GTF3C3: variants seen among roughly 807,000 people sequenced by gnomAD.
GTF3C3 encodes the protein general transcription factor 3C polypeptide 3.
GTF3C3 carries 75 observed loss-of-function variants against 105.2 expected under a neutral mutation model. The ratio of observed to expected loss-of-function variants is 0.71; its 90% CI spans 0.59 to 0.86. The LOEUF (loss-of-function observed/expected upper bound fraction) is 0.86. Ranked by LOEUF, GTF3C3 falls within the 40% of genes least tolerant of loss-of-function variation. The pLI is 0.00. For synonymous variants in GTF3C3, 335 were observed against 370.4 expected (o/e 0.90, Z 1.10); for missense variants, 856 against 1,076.5 (o/e 0.80, Z 2.87).
intron 6 of GTF3C3, among the ~76,000 whole-genome samples, chr2:196,788,686 C>T (rs1319569369): frequency 6.6e-6 from 1 of 152,146 alleles, no homozygotes; most frequent in Non-Finnish European, 1.5e-5. Flanking sequence ...CCTCTGAGCA[C>T]TTGAAATGTA....
intron 13 of GTF3C3, 174 bp downstream of exon 13, chr2:196,774,942 T>G (rs1699237308): frequency 2.2e-6 from 1 of 456,696 alleles, no homozygotes; most frequent in African/African-American, 2.0e-5. Context: ...GTATTTACAT[T>G]TAGCCTTTCC....
chr2:196,776,977 A>G lies in GTF3C3; in HGVS notation c.1391-348T>C, dbSNP rs1319857441. ...TAGGTTGCTTTCAAATTTTTACTCT[A>G]ATAAATAATACTGCAGTAAACATCT... On this transcript the variant is annotated intron_variant, in intron 10 of 17. Transcript: ENST00000263956. The surrounding 1 kb of genome is among the most constrained non-coding windows in gnomAD (Gnocchi z 4.5). Among the ~76,000 whole-genome samples the G allele has an allele frequency of 6.6e-6, 1 of 152,214 alleles. No individual in the cohort carries two copies. The highest frequency in any genetic ancestry group is 2.4e-5 in the African/African-American group (1 of 41,464).
At chr2:196,795,529 GAGGAACAAAAGAACAA>G (rs72000071) in intron 2 of GTF3C3, among the ~76,000 whole-genome samples, 16,008 of 152,182 alleles carry the variant, frequency 0.11, 1,047 homozygotes, top group African/African-American at 0.19. Flanking sequence ...AAATTTATCA[GAGGAACAAAAGAACAA>G]AGGAACAAAA....
At chr2:196,765,741 T>G (rs1699051692) in intron 17 of GTF3C3, among the ~76,000 whole-genome samples, 2 of 152,054 alleles carry the variant, frequency 1.3e-5, no homozygotes, top group East Asian at 1.9e-4. Context: ...CCGGGCGCAG[T>G]GGCTCACGCC....
Position 196,780,544 on chromosome 2 carries a change from G to T in GTF3C3, c.1218+15C>A. 6.2e-7 allele frequency: 1 copy of T among 1,609,358 alleles called. No homozygotes were observed. The highest frequency in any genetic ancestry group is 8.5e-7 in the Non-Finnish European group (1 of 1,176,646). On this transcript the variant is annotated intron_variant, in intron 9 of 17. Coordinates refer to ENST00000263956, the MANE Select transcript of GTF3C3 (RefSeq NM_012086.5). Reference sequence around the variant, plus strand: ...TTTGATCTGAAGTATCTCAAGTGCAGATCTTGTTACATACATTAAGTGGTT... The same window carrying T: ...TTTGATCTGAAGTATCTCAAGTGCATATCTTGTTACATACATTAAGTGGTT...
chr2:196,772,865 T>A (rs759723861), intron 14 of GTF3C3, 51 bp downstream of exon 14: 1 of 916,238 alleles, frequency 1.1e-6, no homozygotes, highest in Non-Finnish European at 1.7e-6. Flanking sequence ...TCAAAGTACA[T>A]GTACTTACTC....
intron 8 of GTF3C3, among the ~76,000 whole-genome samples, chr2:196,781,357 A>AAAATATATATAT: frequency 5.8e-4 from 11 of 18,816 alleles, no homozygotes; most frequent in Admixed American, 2.0e-3. Context: ...AAAAAAAAAA[A>AAAATATATATAT]ATATATATAT....
At chr2:196,765,786 G>A (rs375977490) in intron 17 of GTF3C3, among the ~76,000 whole-genome samples, 71 of 151,698 alleles carry the variant, frequency 4.7e-4, no homozygotes, top group Admixed American at 1.2e-3. Flanking sequence ...TGAGGCGGGC[G>A]GATCACAAGG....
At chr2:196,768,550 T>C (rs1424210177) in intron 16 of GTF3C3, among the ~76,000 whole-genome samples, 1 of 152,096 alleles carries the variant, frequency 6.6e-6, no homozygotes, top group Non-Finnish European at 1.5e-5. Context: ...TAGAAAACTA[T>C]AGTCTTGTAG....
At chr2:196,795,319 T>G (rs1261516863) in intron 2 of GTF3C3, among the ~76,000 whole-genome samples, 1 of 152,260 alleles carries the variant, frequency 6.6e-6, no homozygotes, top group Admixed American at 6.5e-5. Flanking sequence ...ATTAGAAGCT[T>G]GAACAACTGC....
chr2:196,772,502 T>C (rs905596173), intron 14 of GTF3C3, among the ~76,000 whole-genome samples: 2 of 152,150 alleles, frequency 1.3e-5, no homozygotes, highest in Non-Finnish European at 2.9e-5. Flanking sequence ...GAGCCGAGAC[T>C]GTGTCATTGC....
Position 196,776,158 on chromosome 2 carries a change from T to C in GTF3C3, c.1594-47A>G, listed in dbSNP as rs762314309. ...GATGAGCCTAACAAGATTCCTTTTC[T>C]ACAAATTGTTTTATTTGCATAGAAA... On this transcript the variant is annotated intron_variant, in intron 11 of 17. Transcript: ENST00000263956. This position sits in a 1 kb window ranked among gnomAD's most constrained non-coding sequence, Gnocchi z 4.5. 9.9e-7 allele frequency: 1 copy of C among 1,014,884 alleles called. No homozygotes were observed. The highest frequency in any genetic ancestry group is 1.5e-6 in the Non-Finnish European group (1 of 672,020). The allele number at this position is 1,014,884 out of a possible 1,614,324, so 62.9% of individuals were successfully genotyped here.
intron 8 of GTF3C3, 167 bp from the exon 9 acceptor site, chr2:196,780,829 T>A: frequency 4.2e-6 from 3 of 720,092 alleles, no homozygotes; most frequent in Non-Finnish European, 6.2e-6. Context: ...TGTCCTTTGG[T>A]AGCAAGTATG....
In GTF3C3 at chr2:196,764,454, ATT is replaced by A; in HGVS notation, c.*107_*108del. 1.0e-6 allele frequency: 1 copy of A among 962,684 alleles called. No homozygotes were observed. The highest frequency in any genetic ancestry group is 1.5e-6 in the Non-Finnish European group (1 of 667,650). 59.6% of individuals were successfully genotyped at this position (962,684 alleles called of 1,614,324 possible). A position where few individuals can be genotyped will look rare whatever the true frequency, so the allele number is the denominator to read the frequency against. On this transcript the variant is annotated 3_prime_UTR_variant, in exon 18 of 18. Coordinates refer to ENST00000263956, the MANE Select transcript of GTF3C3 (RefSeq NM_012086.5). ...AAATAAATACACTGTTTGTTAGGTA[ATT>A]CTGAAATTGTCATTTCTATTTTGGA...
chr2:196,772,052 A>G, intron 14 of GTF3C3, 114 bp from the exon 15 acceptor site: 1 of 665,580 alleles, frequency 1.5e-6, no homozygotes, highest in Non-Finnish European at 2.7e-6. Context: ...ATCCTCCAAC[A>G]AGGAAAAGCA....
At chr2:196,796,179 C>G (rs1407945215) in intron 2 of GTF3C3, among the ~76,000 whole-genome samples, 1 of 152,200 alleles carries the variant, frequency 6.6e-6, no homozygotes, top group Non-Finnish European at 1.5e-5. Flanking sequence ...CACCAAGAGT[C>G]TTGGTAGAGT....
At chr2:196,768,350 A>G (rs963280811) in intron 16 of GTF3C3, among the ~76,000 whole-genome samples, 1 of 152,186 alleles carries the variant, frequency 6.6e-6, no homozygotes, top group South Asian at 2.1e-4. Flanking sequence ...AAAAGAAAAG[A>G]GTTCTTTTGA....
In GTF3C3 at chr2:196,764,332, T is replaced by C. The variant is rs182338613; in HGVS notation, c.*231A>G. 176 of 370,052 alleles carry C rather than the reference T, an allele frequency of 4.8e-4. No individual in the cohort carries two copies. Among genetic ancestry groups the C allele is most frequent in the Non-Finnish European group, 5.4e-4 (110 of 204,638 alleles). 22.9% of individuals were successfully genotyped at this position (370,052 alleles called of 1,614,324 possible). ...ACGTCCATTTCAACATTGGGAACAA[T>C]TCACTATAGAATGTGAAAGGAAAAT... On this transcript the variant is annotated 3_prime_UTR_variant, in exon 18 of 18. Transcript: ENST00000263956.
rs1162026444 is a variant in GTF3C3, at chr2:196,775,189, A to G, written c.1758T>C (p.Leu586=). 1 of 1,612,838 alleles carries G rather than the reference A, an allele frequency of 6.2e-7. No homozygotes were observed. The highest frequency in any genetic ancestry group is 1.1e-5 in the South Asian group (1 of 90,970). The change falls in exon 13 of 18, where the codon CTT becomes CTC. Residue 586 remains leucine, a synonymous_variant. Coordinates refer to ENST00000263956, the MANE Select transcript of GTF3C3 (RefSeq NM_012086.5). ...TGTCTCTCGATACTTTAATAAGATA[A>G]AGATGCCTCTCTCCAGACTTGGAAC... ...ISSSKSGERH[L]YLIKVSRDKI...
Sources: gnomAD v4.1 joint callset for allele counts (sites outside exome capture counted in the v4.1 genomes callset) on GRCh38, gnomAD v4.1.1 for gene constraint, Gnocchi (gnomAD v3.1) non-coding constraint, MANE v1.5 for transcripts, NCBI Gene and HGNC (gene_info 2026-07-23, HGNC 2026-07-21) for gene names.